The following C19orf47 variants were observed in gnomAD, a reference collection of about 807,000 sequenced individuals.
The protein encoded by C19orf47 is uncharacterized protein C19orf47.
A neutral mutation model predicts 32.3 loss-of-function variants in C19orf47; 18 were observed. That is an observed-to-expected ratio of 0.56 (90% CI 0.39 to 0.83). C19orf47 has a LOEUF of 0.83. Ranked by LOEUF, C19orf47 falls within the 40% of genes least tolerant of loss-of-function variation. C19orf47 has a pLI of 0.00. For missense variants in C19orf47, 484 were observed against 531.6 expected, an observed-to-expected ratio of 0.91 and a Z score of 0.88; for synonymous variants, 202 against 211.1, an observed-to-expected ratio of 0.96 and a Z score of 0.37.
downstream of C19orf47, among the ~76,000 whole-genome samples, chr19:40,315,705 G>A (rs1040820909): frequency 1.3e-5 from 2 of 151,898 alleles, no homozygotes; most frequent in Admixed American, 1.3e-4. Flanking sequence ...GCTTGAACCC[G>A]GCAGACGCAG....
chr19:40,346,735 C>T (rs1357923099), intron 1 of C19orf47, among the ~76,000 whole-genome samples: 1 of 151,782 alleles, frequency 6.6e-6, no homozygotes, highest in Admixed American at 6.6e-5. Flanking sequence ...ACCGTGTTAG[C>T]CAGGATGGTC....
chr19:40,313,554 G>A, the C19orf47 span, among the ~76,000 whole-genome samples: 1 of 152,142 alleles, frequency 6.6e-6, no homozygotes, highest in African/African-American at 2.4e-5. Context: ...GGAACTCCTG[G>A]GCTGAAGAGA....
the C19orf47 span, among the ~76,000 whole-genome samples, chr19:40,300,459 C>T: frequency 6.7e-6 from 1 of 150,118 alleles, no homozygotes; most frequent in Non-Finnish European, 1.5e-5. Context: ...AGCTAGACAC[C>T]ATCTCAAAAA....
chr19:40,308,301 G>A, the C19orf47 span, among the ~76,000 whole-genome samples: 2 of 151,578 alleles, frequency 1.3e-5, no homozygotes, highest in Non-Finnish European at 2.9e-5. Flanking sequence ...GATTACAGGC[G>A]CGTGTCACCA....
At chr19:40,343,324 T>C (rs1040389749) in intron 1 of C19orf47, among the ~76,000 whole-genome samples, 1 of 152,214 alleles carries the variant, frequency 6.6e-6, no homozygotes, top group Non-Finnish European at 1.5e-5. Flanking sequence ...GATGGTATAA[T>C]GGAGTGGTCA....
In C19orf47 at chr19:40,340,094, C is replaced by T. The variant is rs544374471; in HGVS notation, c.19+1745G>A. 2.1e-3 allele frequency among the ~76,000 whole-genome samples: 316 copies of T among 150,942 alleles called. 2 individuals are homozygous for T. Among genetic ancestry groups the T allele is most frequent in the Non-Finnish European group, 3.9e-3 (267 of 67,802 alleles). ...GGGAGTGAGATTGGGGTAGGACTCT[C>T]GGGGGGCTGACAATATTCTCTTTTT... On this transcript the variant is annotated intron_variant, in intron 2 of 8. Transcript: ENST00000683109.
chr19:40,331,617 AAC>A (rs147462983), intron 5 of C19orf47, among the ~76,000 whole-genome samples: 58,381 of 151,662 alleles, frequency 0.38, 12,819 homozygotes, highest in South Asian at 0.61. Flanking sequence ...CAGCCTGGGC[AAC>A]AGAGTGAGAC....
chr19:40,295,004 G>A, the C19orf47 span, among the ~76,000 whole-genome samples: 1 of 152,176 alleles, frequency 6.6e-6, no homozygotes, highest in African/African-American at 2.4e-5. Context: ...TAATGCCTGT[G>A]GCAACAAAGG....
rs1211470053 is a variant in C19orf47, at chr19:40,346,596, G to C, written c.-34+1728C>G. On this transcript the variant is annotated intron_variant, in intron 1 of 8. Coordinates refer to ENST00000683109, the MANE Select transcript of C19orf47 (RefSeq NM_001256441.2). ...GGCTGGAGTGCAGTGGCGTGATCTC[G>C]TCTCACTGCAACCTCTGCCTCCCAG... Among the ~76,000 whole-genome samples, 21 of 144,858 alleles carry C rather than the reference G, an allele frequency of 1.4e-4. No individual in the cohort carries two copies. The East Asian group carries it at 3.7e-3, about 26-fold the overall frequency.
At chr19:40,309,519 G>T in the C19orf47 span, among the ~76,000 whole-genome samples, 1 of 151,860 alleles carries the variant, frequency 6.6e-6, no homozygotes, top group Non-Finnish European at 1.5e-5. Context: ...GTTAAACCTT[G>T]CATAATTCAG....
intron 6 of C19orf47, among the ~76,000 whole-genome samples, chr19:40,328,089 T>C (rs1270606541): frequency 2.6e-5 from 4 of 152,116 alleles, no homozygotes; most frequent in Non-Finnish European, 5.9e-5. Flanking sequence ...TGTGCACAAG[T>C]AGGGGGCTCG....
chr19:40,333,962 C>A, intron 4 of C19orf47, 33 bp from the exon 5 acceptor site: 1 of 1,507,674 alleles, frequency 6.6e-7, no homozygotes, highest in Non-Finnish European at 9.0e-7. Context: ...TGGGTCACCA[C>A]AGAAGAATCA....
At chr19:40,309,243 G>A in the C19orf47 span, among the ~76,000 whole-genome samples, 2 of 146,874 alleles carry the variant, frequency 1.4e-5, no homozygotes, top group Admixed American at 1.4e-4. Flanking sequence ...CCAGGCTGGT[G>A]TACAGTGGCT....
At chr19:40,305,380 C>G in the C19orf47 span, among the ~76,000 whole-genome samples, 21 of 151,724 alleles carry the variant, frequency 1.4e-4, no homozygotes, top group Non-Finnish European at 2.9e-5. Flanking sequence ...TAGAAAAATC[C>G]TTACAACACA....
intron 1 of C19orf47, among the ~76,000 whole-genome samples, chr19:40,344,453 T>A (rs763275890): frequency 2.4e-4 from 37 of 152,174 alleles, no homozygotes; most frequent in Admixed American, 1.4e-3. Context: ...CACTCTAGCC[T>A]GAGTGACAGA....
At chr19:40,308,609 G>A in the C19orf47 span, among the ~76,000 whole-genome samples, 255 of 151,992 alleles carry the variant, frequency 1.7e-3, 2 homozygotes, top group South Asian at 9.8e-3. Context: ...GATTACAGGC[G>A]TATGCCACTA....
chr19:40,341,059 C>A (rs1046540068), intron 2 of C19orf47, among the ~76,000 whole-genome samples: 2 of 151,334 alleles, frequency 1.3e-5, no homozygotes, highest in African/African-American at 4.9e-5. Flanking sequence ...ATGGGCCAGG[C>A]GCGGTGGCTC....
rs773685027 is a variant in C19orf47 at position 40,322,212 on chromosome 19, G to A, written c.828C>T (p.Val276=). The part of the protein sequence containing the change: ...AKASPQPALT[V]KAKATSSATT... ...TCGCTGAGCTTGTGGCCTTGGCTTT[G>A]ACAGTCAGTGCTGGCTGGGGACTGG... Residue 276 remains valine (V), a synonymous_variant, in exon 9 of 9, where the codon GTC becomes GTT. Coordinates refer to ENST00000683109, the MANE Select transcript of C19orf47 (RefSeq NM_001256441.2). 6.2e-7 allele frequency: 1 copy of A among 1,610,596 alleles called. No homozygotes were observed. Among genetic ancestry groups the A allele is most frequent in the Non-Finnish European group, 8.5e-7 (1 of 1,179,962 alleles).
In C19orf47 at chr19:40,321,342, C is replaced by G; in HGVS notation, c.*540G>C. 1.0e-6 allele frequency: 1 copy of G among 987,802 alleles called. No individual in the cohort carries two copies. Among genetic ancestry groups the G allele is most frequent in the Non-Finnish European group, 1.2e-6 (1 of 831,338 alleles). 61.2% of individuals were successfully genotyped at this position (987,802 alleles called of 1,614,324 possible). ...GGAGGGTCGGGCAGGACGCAGCGGA[C>G]AGTCGGGCCTTGCCACGGGGACAGA... is the stretch of plus-strand genomic sequence containing the variant. On this transcript the variant is annotated 3_prime_UTR_variant, in exon 9 of 9. Transcript: ENST00000683109.
Sources: allele counts gnomAD v4.1 joint callset (sites outside exome capture counted in the v4.1 genomes callset), GRCh38; gene constraint gnomAD v4.1.1; transcripts MANE v1.5; gene names NCBI Gene and HGNC (gene_info 2026-07-23, HGNC 2026-07-21).